Variants in CHRM3 observed in about 807,000 individuals in gnomAD.
CHRM3 encodes muscarinic acetylcholine receptor M3.
In CHRM3, 11 loss-of-function variants were observed where a neutral mutation model predicts 41.8. The ratio of observed to expected loss-of-function variants is 0.26; its 90% CI spans 0.17 to 0.44. The LOEUF is 0.44. Ranked by LOEUF, CHRM3 falls within the 20% of genes least tolerant of loss-of-function variation. CHRM3 has a pLI of 1.00. For missense variants in CHRM3, 571 were observed against 745.4 expected (o/e 0.77, Z 2.72); for synonymous variants, 297 against 301.4 (o/e 0.99, Z 0.15).
At chr1:239,537,946 T>G (rs16838444) in intron 2 of CHRM3, among the ~76,000 whole-genome samples, 13,106 of 152,254 alleles carry the variant, frequency 0.086, 599 homozygotes, top group African/African-American at 0.12. Flanking sequence ...CTATTAACAA[T>G]GCTGCAAGAG....
At chr1:239,776,832 G>A (rs1486567724) in intron 5 of CHRM3, among the ~76,000 whole-genome samples, 2 of 152,258 alleles carry the variant, frequency 1.3e-5, no homozygotes, top group East Asian at 3.9e-4. Flanking sequence ...TCACATGGCA[G>A]CAGCAAGGAG....
At chr1:239,690,048 G>C (rs182178687) in intron 5 of CHRM3, among the ~76,000 whole-genome samples, 6 of 85,002 alleles carry the variant, frequency 7.1e-5, no homozygotes, top group South Asian at 3.3e-4. Flanking sequence ...GAGAGACACA[G>C]AGAGAGAGAG....
intron 3 of CHRM3, among the ~76,000 whole-genome samples, chr1:239,547,637 G>A (rs1188016444): frequency 6.6e-6 from 1 of 152,162 alleles, no homozygotes; most frequent in East Asian, 1.9e-4. Flanking sequence ...AGGAATGGCA[G>A]CTATCCCCTT....
At chr1:239,567,786 G>A (rs1661488016) in intron 3 of CHRM3, among the ~76,000 whole-genome samples, 1 of 152,116 alleles carries the variant, frequency 6.6e-6, no homozygotes, top group African/African-American at 2.4e-5. Flanking sequence ...CCATTTCCCT[G>A]CACTTGGCTG....
chr1:239,884,392 G>A (rs571544160), intron 6 of CHRM3, among the ~76,000 whole-genome samples: 4 of 152,280 alleles, frequency 2.6e-5, no homozygotes, highest in African/African-American at 9.6e-5. Flanking sequence ...ACAAGGAAAG[G>A]ATTCTCTCCT....
intron 5 of CHRM3, among the ~76,000 whole-genome samples, chr1:239,818,575 A>C (rs1671785850): frequency 6.6e-6 from 1 of 152,184 alleles, no homozygotes; most frequent in African/African-American, 2.4e-5. Flanking sequence ...ACACAGGGCC[A>C]GCCTCTCATT....
intron 4 of CHRM3, among the ~76,000 whole-genome samples, chr1:239,640,551 G>A (rs1446455773): frequency 6.6e-6 from 1 of 152,090 alleles, no homozygotes; most frequent in Non-Finnish European, 1.5e-5. Flanking sequence ...GTTTATTTGT[G>A]TAGAGGTGTT....
chr1:239,694,771 T>C (rs994625057), intron 5 of CHRM3, among the ~76,000 whole-genome samples: 2 of 152,222 alleles, frequency 1.3e-5, no homozygotes, highest in African/African-American at 4.8e-5. Context: ...ATTATCACAC[T>C]AATCTTAATC....
intron 3 of CHRM3, among the ~76,000 whole-genome samples, chr1:239,561,200 C>T (rs1398347352): frequency 6.6e-6 from 1 of 152,168 alleles, no homozygotes; most frequent in Non-Finnish European, 1.5e-5. Context: ...TTGTCCAAGA[C>T]AAGAAATTCA....
intron 2 of CHRM3, among the ~76,000 whole-genome samples, chr1:239,539,296 A>G (rs1048190980): frequency 6.6e-6 from 1 of 152,156 alleles, no homozygotes; most frequent in Admixed American, 6.5e-5. Context: ...AGAGAATGTC[A>G]GTTGCTTCAG....
intron 4 of CHRM3, among the ~76,000 whole-genome samples, chr1:239,662,893 C>CTTCTTCTTCTTCTTCTTCTTCTTCT (rs1553356875): frequency 2.4e-4 from 11 of 46,352 alleles, no homozygotes; most frequent in African/African-American, 8.7e-4. Flanking sequence ...CTTCCTCCTC[C>CTTCTTCTTCTTCTTCTTCTTCTTCT]TCTTCTTCTT....
At chr1:239,848,598 A>T (rs1674462129) in intron 6 of CHRM3, among the ~76,000 whole-genome samples, 1 of 152,144 alleles carries the variant, frequency 6.6e-6, no homozygotes, top group African/African-American at 2.4e-5. Context: ...AGACAGGTTA[A>T]ATAACTTGCT....
intron 1 of CHRM3, among the ~76,000 whole-genome samples, chr1:239,455,259 C>T (rs1217928377): frequency 1.3e-5 from 2 of 152,014 alleles, no homozygotes; most frequent in Non-Finnish European, 2.9e-5. Context: ...CCCTGTTGGT[C>T]AGGCTGGTCT....
At chr1:239,630,819 G>A (rs1022109672) in intron 3 of CHRM3, among the ~76,000 whole-genome samples, 26 of 151,632 alleles carry the variant, frequency 1.7e-4, no homozygotes, top group African/African-American at 6.3e-4. Flanking sequence ...CCAGCCCAGG[G>A]TATAAAGTGC....
At chr1:239,636,491 G>A (rs934900631) in intron 4 of CHRM3, among the ~76,000 whole-genome samples, 1 of 152,122 alleles carries the variant, frequency 6.6e-6, no homozygotes, top group Non-Finnish European at 1.5e-5. Flanking sequence ...CTAGAAAAAC[G>A]TCTTATCTGT....
intron 1 of CHRM3, among the ~76,000 whole-genome samples, chr1:239,397,432 G>A (rs1659581029): frequency 6.6e-6 from 1 of 151,992 alleles, no homozygotes; most frequent in South Asian, 2.1e-4. Context: ...CAGCACTTTG[G>A]GAGGTCGAGA....
At chr1:239,533,551 T>C (rs1657869959) in intron 2 of CHRM3, among the ~76,000 whole-genome samples, 1 of 148,018 alleles carries the variant, frequency 6.8e-6, no homozygotes, top group Non-Finnish European at 1.5e-5. Flanking sequence ...GCTTGGAGAG[T>C]GAAACCCCGT....
At chr1:239,506,447 C>T (rs1211960878) in intron 2 of CHRM3, among the ~76,000 whole-genome samples, 2 of 152,166 alleles carry the variant, frequency 1.3e-5, no homozygotes, top group African/African-American at 4.8e-5. Context: ...TTGACAGCTT[C>T]CACGTGGTGT....
rs140563565 is a variant in CHRM3, at chr1:239,584,582, T to A, written c.-313+38833T>A. On this transcript the variant is annotated intron_variant, in intron 3 of 6. Transcript: ENST00000676153. ...ATGTAAGAAAAGAAGAGAGGTAAGA[T>A]AAGAATAAACATTAAATAGACTGAA... 2.8e-3 allele frequency among the ~76,000 whole-genome samples: 421 copies of A among 152,276 alleles called. 2 individuals are homozygous for A. Among genetic ancestry groups the A allele is most frequent in the African/African-American group, 9.6e-3 (399 of 41,560 alleles).
Sources: allele counts gnomAD v4.1 joint callset (sites outside exome capture counted in the v4.1 genomes callset), GRCh38; gene constraint gnomAD v4.1.1; transcripts MANE v1.5; gene names NCBI Gene and HGNC (gene_info 2026-07-23, HGNC 2026-07-21).